RPS6KC1: variants seen among roughly 807,000 people sequenced by gnomAD.
RPS6KC1 encodes the protein inactive ribosomal protein S6 kinase delta-1.
Under a neutral mutation model 103.8 loss-of-function variants are expected in RPS6KC1, and 54 were observed. That is an observed-to-expected ratio of 0.52 (90% CI 0.42 to 0.65). The LOEUF (loss-of-function observed/expected upper bound fraction) is 0.65, where lower values mean the gene tolerates loss of function less well. Ranked by LOEUF, RPS6KC1 falls within the 30% of genes least tolerant of loss-of-function variation. The probability of loss-of-function intolerance (pLI) is 0.00; values close to 1 mark genes in which losing one functional copy is unlikely to be tolerated. For missense variants in RPS6KC1, 1,151 were observed against 1,253.8 expected, an observed-to-expected ratio of 0.92 and a Z score of 1.24; for synonymous variants, 439 against 438.7, an observed-to-expected ratio of 1.00 and a Z score of -0.01.
intron 8 of RPS6KC1, among the ~76,000 whole-genome samples, chr1:213,223,515 AAGTTGCTGCAAAAGAC>A (rs2093886011): frequency 6.6e-6 from 1 of 152,096 alleles, no homozygotes. Flanking sequence ...ACCTTCATCC[AAGTTGCTGCAAAAGAC>A]ATTATTTCAT....
the RPS6KC1 span, among the ~76,000 whole-genome samples, chr1:213,854,564 C>CTTTCTTTCTTTCTCTTTCTT: frequency 9.5e-6 from 1 of 105,754 alleles, no homozygotes; most frequent in South Asian, 3.4e-4. Flanking sequence ...TTCTTTCTTT[C>CTTTCTTTCTTTCTCTTTCTT]TCTCTCTCTC....
the RPS6KC1 span, among the ~76,000 whole-genome samples, chr1:213,727,212 C>G: frequency 1.3e-5 from 2 of 152,292 alleles, no homozygotes; most frequent in South Asian, 4.2e-4. Context: ...AATAGATCAT[C>G]TAGAAAATTT....
chr1:213,128,147 C>T (rs10465663), intron 5 of RPS6KC1, among the ~76,000 whole-genome samples: 7,231 of 152,098 alleles, frequency 0.048, 575 homozygotes, highest in African/African-American at 0.17. Flanking sequence ...ATCTTTCATC[C>T]AAAACAACAT....
chr1:213,621,844 TAGG>T, the RPS6KC1 span, among the ~76,000 whole-genome samples: 1 of 152,136 alleles, frequency 6.6e-6, no homozygotes, highest in Non-Finnish European at 1.5e-5. Context: ...CGGTGCTGGT[TAGG>T]AGAACGTGAT....
chr1:213,466,219 AC>A, the RPS6KC1 span, among the ~76,000 whole-genome samples: 1 of 152,310 alleles, frequency 6.6e-6, no homozygotes, highest in African/African-American at 2.4e-5. Flanking sequence ...GAGATGCCAT[AC>A]AACCTAAGTA....
the RPS6KC1 span, among the ~76,000 whole-genome samples, chr1:213,805,737 A>G: frequency 2.0e-5 from 3 of 152,232 alleles, no homozygotes; most frequent in African/African-American, 7.2e-5. Context: ...AATGTTCTTA[A>G]TGGCATCTAG....
chr1:213,555,729 G>A, the RPS6KC1 span, among the ~76,000 whole-genome samples: 3 of 152,310 alleles, frequency 2.0e-5, no homozygotes, highest in African/African-American at 7.2e-5. Flanking sequence ...AATCCAAGGA[G>A]ATACTATTTT....
the RPS6KC1 span, among the ~76,000 whole-genome samples, chr1:213,650,566 G>T: frequency 6.6e-6 from 1 of 152,126 alleles, no homozygotes; most frequent in Non-Finnish European, 1.5e-5. Context: ...GTCCGCATCC[G>T]GGCCCCCTCT....
chr1:213,172,203 G>C (rs182873965), intron 7 of RPS6KC1, among the ~76,000 whole-genome samples: 339 of 152,270 alleles, frequency 2.2e-3, no homozygotes, highest in African/African-American at 7.9e-3. Context: ...AGATTGGGAA[G>C]AATAGAGAGA....
At chr1:213,814,999 C>A in the RPS6KC1 span, among the ~76,000 whole-genome samples, 3 of 152,186 alleles carry the variant, frequency 2.0e-5, no homozygotes, top group African/African-American at 7.2e-5. Context: ...CCACCCAAAT[C>A]TCATCTTGAA....
At chr1:213,728,092 A>G in the RPS6KC1 span, among the ~76,000 whole-genome samples, 1 of 152,008 alleles carries the variant, frequency 6.6e-6, no homozygotes, top group Non-Finnish European at 1.5e-5. Context: ...AATAGAGGGA[A>G]GTGGAGAAGC....
the RPS6KC1 span, among the ~76,000 whole-genome samples, chr1:213,305,480 G>T: frequency 6.6e-6 from 1 of 152,156 alleles, no homozygotes; most frequent in Non-Finnish European, 1.5e-5. Flanking sequence ...TTTCCAATTT[G>T]CTCTGGCTTT....
chr1:213,749,310 G>A, the RPS6KC1 span, among the ~76,000 whole-genome samples: 1 of 152,210 alleles, frequency 6.6e-6, no homozygotes, highest in Non-Finnish European at 1.5e-5. Context: ...CATCGAAGAA[G>A]CCTAAGGTCA....
intron 12 of RPS6KC1, among the ~76,000 whole-genome samples, chr1:213,250,130 A>G (rs994421123): frequency 2.6e-5 from 4 of 152,192 alleles, no homozygotes; most frequent in Non-Finnish European, 5.9e-5. Context: ...AACTGAATAA[A>G]TGATGAGGTG....
At chr1:213,547,912 A>G in the RPS6KC1 span, among the ~76,000 whole-genome samples, 1 of 152,198 alleles carries the variant, frequency 6.6e-6, no homozygotes. Flanking sequence ...ATATTCCTTT[A>G]TAGCAACACA....
intron 6 of RPS6KC1, among the ~76,000 whole-genome samples, chr1:213,160,569 A>G (rs943050183): frequency 3.3e-5 from 5 of 152,186 alleles, no homozygotes; most frequent in Non-Finnish European, 5.9e-5. Context: ...GCACTAAGTT[A>G]TAGAAAGAGG....
chr1:213,187,308 G>T (rs531996467), intron 8 of RPS6KC1, among the ~76,000 whole-genome samples: 1 of 149,024 alleles, frequency 6.7e-6, no homozygotes, highest in African/African-American at 2.5e-5. Context: ...GAGTGCAGTG[G>T]TTCTTGGCTC....
downstream of RPS6KC1, among the ~76,000 whole-genome samples, chr1:213,275,501 G>A (rs1231515545): frequency 2.0e-5 from 3 of 152,096 alleles, no homozygotes; most frequent in Non-Finnish European, 4.4e-5. Flanking sequence ...TGAAAAGAAT[G>A]TCATTTTAGC....
chr1:213,407,595 C>T, the RPS6KC1 span, among the ~76,000 whole-genome samples: 8 of 152,358 alleles, frequency 5.3e-5, no homozygotes, highest in East Asian at 1.3e-3. Flanking sequence ...GCCTAATAAA[C>T]ACCCTTTGAT....
Sources: allele counts gnomAD v4.1 joint callset (sites outside exome capture counted in the v4.1 genomes callset), GRCh38; gene constraint gnomAD v4.1.1; transcripts MANE v1.5; gene names NCBI Gene and HGNC (gene_info 2026-07-23, HGNC 2026-07-21).